The following CCNYL1 variants were observed in gnomAD, a reference collection of about 807,000 sequenced individuals.
CCNYL1 encodes the protein cyclin-Y-like protein 1.
CCNYL1 carries 16 observed loss-of-function variants against 44.2 expected under a neutral mutation model. The observed-to-expected ratio is 0.36, with a 90% CI of 0.25 to 0.55. The LOEUF is 0.55. Ranked by LOEUF, CCNYL1 falls within the 20% of genes least tolerant of loss-of-function variation. The probability of loss-of-function intolerance (pLI) is 0.85; values close to 1 mark genes in which losing one functional copy is unlikely to be tolerated. For synonymous variants in CCNYL1, 159 were observed against 163.2 expected, an observed-to-expected ratio of 0.97 and a Z score of 0.20; for missense variants, 348 against 451.8, an observed-to-expected ratio of 0.77 and a Z score of 2.08.
intron 5 of CCNYL1, among the ~76,000 whole-genome samples, chr2:207,738,756 A>G (rs1157448380): frequency 6.7e-6 from 1 of 149,078 alleles, no homozygotes; most frequent in Non-Finnish European, 1.5e-5. Context: ...GTCTCATTCC[A>G]TCACCCAGGC....
intron 3 of CCNYL1, 23 bp from the exon 4 acceptor site, chr2:207,733,921 TTTC>T: frequency 7.0e-7 from 1 of 1,433,400 alleles, no homozygotes; most frequent in Non-Finnish European, 9.8e-7. Context: ...ACTGTGACAT[TTTC>T]TTCTATTTCC....
intron 1 of CCNYL1, among the ~76,000 whole-genome samples, chr2:207,719,050 A>G (rs919794652): frequency 1.3e-5 from 2 of 150,880 alleles, no homozygotes; most frequent in Admixed American, 6.6e-5. Flanking sequence ...GAAAAAAAAC[A>G]AGGAGGAGAA....
chr2:207,748,531 G>A (rs575931969), intron 8 of CCNYL1, among the ~76,000 whole-genome samples: 2 of 152,302 alleles, frequency 1.3e-5, no homozygotes, highest in East Asian at 3.9e-4. Context: ...AGGCTCTCAG[G>A]GTGCCCACCA....
chr2:207,711,998 G>A lies in CCNYL1; in HGVS notation c.102G>A (p.Glu34=), dbSNP rs1229602277. 6 of 1,469,578 alleles carry A rather than the reference G, an allele frequency of 4.1e-6. No individual in the cohort carries two copies. The highest frequency in any genetic ancestry group is 1.5e-5 in the African/African-American group (1 of 68,528). The allele number at this position is 1,469,578 out of a possible 1,614,324, so 91.0% of individuals were successfully genotyped here. A position where few individuals can be genotyped will look rare whatever the true frequency, so the allele number is the denominator to read the frequency against. Reference sequence around the variant, plus strand: ...TGTACTGCGCGTCCGACATCTACGAGGCGGTGTCCGGGGACGCGGTGGCGG... The same window carrying A: ...TGTACTGCGCGTCCGACATCTACGAAGCGGTGTCCGGGGACGCGGTGGCGG... ...AELYCASDIY[E]AVSGDAVAVA... is the part of the protein sequence containing the mutation. The change falls in exon 1 of 10, where the codon GAG becomes GAA. Residue 34 remains glutamate, a synonymous_variant. Coordinates refer to ENST00000295414, the MANE Select transcript of CCNYL1 (RefSeq NM_001330218.2).
chr2:207,722,815 C>T (rs888757162), intron 1 of CCNYL1, among the ~76,000 whole-genome samples: 1 of 151,960 alleles, frequency 6.6e-6, no homozygotes, highest in South Asian at 2.1e-4. Context: ...AAAAATTAGC[C>T]GGGCATGGTG....
chr2:207,744,314 A>AAC (rs2105838028), intron 7 of CCNYL1, among the ~76,000 whole-genome samples: 1 of 151,536 alleles, frequency 6.6e-6, no homozygotes, highest in East Asian at 2.0e-4. Flanking sequence ...GAGGAGGTTG[A>AAC]GGTCACATAG....
At chr2:207,713,544 G>A (rs761971233) in intron 1 of CCNYL1, among the ~76,000 whole-genome samples, 1 of 152,274 alleles carries the variant, frequency 6.6e-6, no homozygotes, top group Non-Finnish European at 1.5e-5. Context: ...GTAGCAGCGT[G>A]ATTCTTGAAT....
At chr2:207,750,919 T>TGAC in intron 8 of CCNYL1, 38 bp from the exon 9 acceptor site, 1 of 1,587,744 alleles carries the variant, frequency 6.3e-7, no homozygotes, top group Non-Finnish European at 8.6e-7. Flanking sequence ...TGACTGACAT[T>TGAC]GTCCTGTGCT....
chr2:207,740,912 A>G (rs1330046591), intron 6 of CCNYL1, among the ~76,000 whole-genome samples: 12 of 152,210 alleles, frequency 7.9e-5, no homozygotes, highest in Admixed American at 5.9e-4. Context: ...GCTAATGACT[A>G]TTGTCTTGGA....
chr2:207,744,238 G>T (rs2091835992), intron 7 of CCNYL1, among the ~76,000 whole-genome samples: 1 of 152,056 alleles, frequency 6.6e-6, no homozygotes, highest in Non-Finnish European at 1.5e-5. Flanking sequence ...TTGTGTGTGT[G>T]TGTGTGTGTG....
chr2:207,720,675 A>G (rs1209684218), intron 1 of CCNYL1, among the ~76,000 whole-genome samples: 2 of 152,162 alleles, frequency 1.3e-5, no homozygotes, highest in Non-Finnish European at 2.9e-5. Context: ...TCAGCCTCCC[A>G]GAGTGCTGGG....
intron 1 of CCNYL1, among the ~76,000 whole-genome samples, chr2:207,717,108 CA>C (rs1171959044): frequency 0.056 from 3,465 of 62,170 alleles, 40 homozygotes; most frequent in Non-Finnish European, 0.08. Flanking sequence ...GACTCCATCT[CA>C]AAAAAAAAAA....
chr2:207,749,709 C>A (rs186612825), intron 8 of CCNYL1, among the ~76,000 whole-genome samples: 1 of 152,144 alleles, frequency 6.6e-6, no homozygotes, highest in African/African-American at 2.4e-5. Context: ...AAAACATTAT[C>A]TGATTTACAT....
At chr2:207,752,186 G>T (rs1343022992) in intron 9 of CCNYL1, among the ~76,000 whole-genome samples, 1 of 152,120 alleles carries the variant, frequency 6.6e-6, no homozygotes, top group Non-Finnish European at 1.5e-5. Flanking sequence ...TTTAGACAAA[G>T]GATTAGTGGA....
chr2:207,713,081 T>A (rs1180566944), intron 1 of CCNYL1, among the ~76,000 whole-genome samples: 1 of 152,228 alleles, frequency 6.6e-6, no homozygotes. Flanking sequence ...CCCAAAGTGC[T>A]GGGATTACAG....
intron 7 of CCNYL1, 47 bp from the exon 8 acceptor site, chr2:207,747,000 A>C: frequency 6.7e-7 from 1 of 1,484,600 alleles, no homozygotes; most frequent in Non-Finnish European, 9.2e-7. Flanking sequence ...AGCTTATCAA[A>C]GCATTTAAAC....
chr2:207,716,814 T>C (rs1444405096), intron 1 of CCNYL1, among the ~76,000 whole-genome samples: 1 of 152,070 alleles, frequency 6.6e-6, no homozygotes, highest in Non-Finnish European at 1.5e-5. Flanking sequence ...ATTTTAGTAT[T>C]AAATGTTCTT....
intron 4 of CCNYL1, among the ~76,000 whole-genome samples, chr2:207,736,430 T>TA (rs1362529265): frequency 1.3e-5 from 2 of 152,216 alleles, no homozygotes; most frequent in East Asian, 3.8e-4. Flanking sequence ...TACAGTAACA[T>TA]ATATCTGAAA....
rs972583331 is a variant in CCNYL1, at chr2:207,734,581, A to G, written c.431+534A>G. Reference sequence around the variant, plus strand: ...AACTTTTCAAGTTTATTTAAAAACCAACAACAACAGCAAACAACTCCATTG... The same window carrying G: ...AACTTTTCAAGTTTATTTAAAAACCGACAACAACAGCAAACAACTCCATTG... On this transcript the variant is annotated intron_variant, in intron 4 of 9. Transcript: ENST00000295414. 8.2e-5 allele frequency among the ~76,000 whole-genome samples: 5 copies of G among 60,846 alleles called. No individual in the cohort carries two copies. In the East Asian group the frequency reaches 1.5e-3, roughly 18 times the overall value. The allele number at this position is 60,846 out of a possible 152,430, so 39.9% of individuals were successfully genotyped here.
Sources: gnomAD v4.1 joint callset for allele counts (sites outside exome capture counted in the v4.1 genomes callset) on GRCh38, gnomAD v4.1.1 for gene constraint, MANE v1.5 for transcripts, NCBI Gene and HGNC (gene_info 2026-07-23, HGNC 2026-07-21) for gene names.